HEMK2: variants seen among roughly 807,000 people sequenced by gnomAD.
The protein encoded by HEMK2 is methyltransferase HEMK2.
chr21:28,727,491 A>C, the HEMK2 span, among the ~76,000 whole-genome samples: 1 of 152,232 alleles, frequency 6.6e-6, no homozygotes, highest in Non-Finnish European at 1.5e-5. Context: ...TCTAGCAACA[A>C]AAAATACATT....
At chr21:28,879,858 T>C in the HEMK2 span, 2 of 1,529,912 alleles carry the variant, frequency 1.3e-6, no homozygotes, top group Non-Finnish European at 1.8e-6. Context: ...TAAATTTTGT[T>C]GTATGTTTTA....
the HEMK2 span, among the ~76,000 whole-genome samples, chr21:28,844,207 A>G: frequency 6.6e-6 from 1 of 151,926 alleles, no homozygotes; most frequent in Non-Finnish European, 1.5e-5. Context: ...AATTTTATTA[A>G]CAGTCAATAC....
chr21:28,694,592 T>C, the HEMK2 span, among the ~76,000 whole-genome samples: 2 of 152,160 alleles, frequency 1.3e-5, no homozygotes, highest in East Asian at 1.9e-4. Flanking sequence ...AATGTAGTTA[T>C]ACTTGCATTT....
chr21:28,597,710 A>C, the HEMK2 span, among the ~76,000 whole-genome samples: 1 of 152,224 alleles, frequency 6.6e-6, no homozygotes, highest in Non-Finnish European at 1.5e-5. Flanking sequence ...AAGTACTTTT[A>C]GGATGAGAGA....
the HEMK2 span, among the ~76,000 whole-genome samples, chr21:28,581,899 G>A: frequency 6.6e-6 from 1 of 152,198 alleles, no homozygotes; most frequent in Non-Finnish European, 1.5e-5. Context: ...ATTTTAAAAG[G>A]GGGGAAAATG....
chr21:28,675,878 G>A, the HEMK2 span, among the ~76,000 whole-genome samples: 1 of 152,142 alleles, frequency 6.6e-6, no homozygotes, highest in Non-Finnish European at 1.5e-5. Flanking sequence ...TTCTTAGAAG[G>A]GCCTGGAGCT....
At chr21:28,790,599 G>A in the HEMK2 span, among the ~76,000 whole-genome samples, 16 of 152,062 alleles carry the variant, frequency 1.1e-4, no homozygotes, top group African/African-American at 3.4e-4. Flanking sequence ...GAACAATTCC[G>A]GGCACAGAGT....
the HEMK2 span, among the ~76,000 whole-genome samples, chr21:28,709,835 G>T: frequency 6.6e-6 from 1 of 152,192 alleles, no homozygotes; most frequent in Non-Finnish European, 1.5e-5. Context: ...TATAACTACA[G>T]AGAATATGCA....
chr21:28,787,718 G>A, the HEMK2 span, among the ~76,000 whole-genome samples: 2 of 152,122 alleles, frequency 1.3e-5, no homozygotes, highest in African/African-American at 4.8e-5. Context: ...GTAGATGTTG[G>A]CATGGATGCG....
At chr21:28,620,900 T>C in the HEMK2 span, among the ~76,000 whole-genome samples, 2 of 151,738 alleles carry the variant, frequency 1.3e-5, no homozygotes, top group South Asian at 2.1e-4. Context: ...TTTTGATCTC[T>C]TGACCTCATG....
chr21:28,636,402 GA>G, the HEMK2 span, among the ~76,000 whole-genome samples: 1 of 152,130 alleles, frequency 6.6e-6, no homozygotes. Flanking sequence ...GCTGAAAATG[GA>G]GCCTTGATGG....
the HEMK2 span, among the ~76,000 whole-genome samples, chr21:28,672,441 T>C: frequency 6.6e-6 from 1 of 152,130 alleles, no homozygotes; most frequent in Non-Finnish European, 1.5e-5. Flanking sequence ...AAAAGACTCT[T>C]GAGGTGAATC....
the HEMK2 span, among the ~76,000 whole-genome samples, chr21:28,625,587 T>C: frequency 6.6e-6 from 1 of 152,056 alleles, no homozygotes. Context: ...GGTGCATGCC[T>C]GTAATCTCAG....
the HEMK2 span, among the ~76,000 whole-genome samples, chr21:28,884,798 T>C: frequency 6.6e-6 from 1 of 152,246 alleles, no homozygotes; most frequent in Non-Finnish European, 1.5e-5. Context: ...GCTTTCTATG[T>C]GCTGAGTAAA....
chr21:28,753,051 C>G, the HEMK2 span, among the ~76,000 whole-genome samples: 1 of 152,132 alleles, frequency 6.6e-6, no homozygotes, highest in South Asian at 2.1e-4. Flanking sequence ...TGTGGTGATG[C>G]CTTGGTGCGA....
chr21:28,723,671 T>C, the HEMK2 span, among the ~76,000 whole-genome samples: 1 of 152,204 alleles, frequency 6.6e-6, no homozygotes, highest in South Asian at 2.1e-4. Flanking sequence ...TCTTCATCAA[T>C]AAGATGTTGA....
chr21:28,785,963 T>C, the HEMK2 span, among the ~76,000 whole-genome samples: 8 of 152,250 alleles, frequency 5.3e-5, no homozygotes, highest in Non-Finnish European at 1.0e-4. Context: ...TTTAAGATAT[T>C]TGTTTATATT....
At chr21:28,727,401 A>C in the HEMK2 span, among the ~76,000 whole-genome samples, 1 of 152,248 alleles carries the variant, frequency 6.6e-6, no homozygotes, top group Non-Finnish European at 1.5e-5. Flanking sequence ...GTTTGGTTAC[A>C]TCATCCTCAG....
chr21:28,735,046 T>C, the HEMK2 span, among the ~76,000 whole-genome samples: 2 of 152,150 alleles, frequency 1.3e-5, no homozygotes, highest in African/African-American at 2.4e-5. Context: ...CGGCACTGCT[T>C]CATTGATCTC....
Sources: gnomAD v4.1 joint callset for allele counts (sites outside exome capture counted in the v4.1 genomes callset) on GRCh38, gnomAD v4.1.1 for gene constraint, MANE v1.5 for transcripts, NCBI Gene and HGNC (gene_info 2026-07-23, HGNC 2026-07-21) for gene names.